The following RNF144B variants were observed in gnomAD, a reference collection of about 807,000 sequenced individuals.
The protein encoded by RNF144B is E3 ubiquitin-protein ligase RNF144B.
Under a neutral mutation model 40.2 loss-of-function variants are expected in RNF144B, and 25 were observed. The ratio of observed to expected loss-of-function variants is 0.62; its 90% CI spans 0.45 to 0.87. RNF144B has a LOEUF of 0.87. RNF144B is among the 40% of genes least tolerant of loss of function. RNF144B has a pLI of 0.00. For synonymous variants in RNF144B, 145 were observed against 136.3 expected (o/e 1.06, Z -0.44); for missense variants, 365 against 373.7 (o/e 0.98, Z 0.19).
At chr6:18,399,075 T>C (rs889936354) in intron 1 of RNF144B, among the ~76,000 whole-genome samples, 7 of 152,112 alleles carry the variant, frequency 4.6e-5, no homozygotes, top group Admixed American at 1.3e-4. Flanking sequence ...CATTTTTCTT[T>C]GTGTGTGTGT....
intron 4 of RNF144B, among the ~76,000 whole-genome samples, chr6:18,453,422 G>C (rs573922350): frequency 2.0e-5 from 3 of 152,020 alleles, no homozygotes; most frequent in African/African-American, 7.2e-5. Flanking sequence ...ACAGGCATGA[G>C]CTACTGCACC....
intron 2 of RNF144B, among the ~76,000 whole-genome samples, chr6:18,415,557 G>T (rs755790224): frequency 5.9e-5 from 9 of 152,124 alleles, no homozygotes; most frequent in African/African-American, 2.2e-4. Flanking sequence ...ATCACCTCCC[G>T]TGGGGGTTCA....
chr6:18,429,537 AG>A (rs1374027468), intron 3 of RNF144B, among the ~76,000 whole-genome samples: 1 of 152,148 alleles, frequency 6.6e-6, no homozygotes, highest in Non-Finnish European at 1.5e-5. Context: ...TCTGTTTAGA[AG>A]TGATTTAAGA....
chr6:18,430,259 G>A (rs758502598), intron 3 of RNF144B, among the ~76,000 whole-genome samples: 12 of 152,208 alleles, frequency 7.9e-5, no homozygotes, highest in South Asian at 6.2e-4. Context: ...TTACCAGACC[G>A]GACAGCACAG....
At chr6:18,415,297 A>G (rs2113482720) in intron 2 of RNF144B, among the ~76,000 whole-genome samples, 1 of 152,334 alleles carries the variant, frequency 6.6e-6, no homozygotes, top group South Asian at 2.1e-4. Flanking sequence ...ATTTATCAAC[A>G]ACAGAAATCC....
rs1326065942 is a variant in RNF144B at position 18,459,678 on chromosome 6, A to G, written c.608A>G (p.Asn203Ser). The change falls in exon 6 of 8, where the codon AAT (asparagine) becomes AGT (serine). Residue 203 changes from asparagine to serine, a missense_variant. By Grantham distance (46) the Asn-to-Ser change is conservative (BLOSUM62 1). Coordinates refer to ENST00000259939, the MANE Select transcript of RNF144B (RefSeq NM_182757.4). This position sits in a 1 kb window ranked among gnomAD's most constrained non-coding sequence, Gnocchi z 4.2. Reference protein sequence around the residue: ...CPVCRVYIERNEGCAQMMCKN... With the variant: ...CPVCRVYIERSEGCAQMMCKN... The stretch of plus-strand genomic sequence containing the variant: ...GTTTGCCGGGTTTATATCGAACGCA[A>G]TGAAGGCTGCGCTCAGATGATGTGC... The G allele has an allele frequency of 3.7e-6, 6 of 1,614,156 alleles. No homozygotes were observed. The highest frequency in any genetic ancestry group is 1.1e-5 in the South Asian group (1 of 91,074).
rs563399556 is a variant in RNF144B, at chr6:18,427,566, T to C, written c.166-15T>C. On this transcript the variant is annotated splice_polypyrimidine_tract_variant and intron_variant, in intron 2 of 7. Transcript: ENST00000259939. ...TAATGGAATGGGCAATTGTCTTTTT[T>C]TTCTTAACTTCCAGTGCCTGAAACA... is the stretch of plus-strand genomic sequence containing the variant. 92 of 1,598,670 alleles carry C rather than the reference T, an allele frequency of 5.8e-5. No individual in the cohort carries two copies. The East Asian group carries it at 1.9e-3, about 33-fold the overall frequency.
rs1759343610 is a variant in RNF144B, at chr6:18,457,009, T to C, written c.332-146T>C. 2 of 716,538 alleles carry C rather than the reference T, an allele frequency of 2.8e-6. No individual in the cohort carries two copies. The highest frequency in any genetic ancestry group is 5.0e-6 in the Non-Finnish European group (2 of 403,406). 44.4% of individuals were successfully genotyped at this position (716,538 alleles called of 1,614,324 possible). A position where few individuals can be genotyped will look rare whatever the true frequency, so the allele number is the denominator to read the frequency against. On this transcript the variant is annotated intron_variant, in intron 4 of 7. Coordinates refer to ENST00000259939, the MANE Select transcript of RNF144B (RefSeq NM_182757.4). The surrounding 1 kb of genome is among the most constrained non-coding windows in gnomAD (Gnocchi z 5.1). The stretch of plus-strand genomic sequence containing the variant: ...CCCAGGAGGGGAGGTTGCAGTGAGC[T>C]GAAATCATGCCACTGTACTCCAGCC...
chr6:18,434,844 A>G lies in RNF144B; in HGVS notation c.271-4840A>G, dbSNP rs954686206. ...CACCTTGTTAGCCAGGATGGTCTCAATCTCCTGACCTCGTGATCCACCTGC... is the reference window on the plus strand; with the variant it reads ...CACCTTGTTAGCCAGGATGGTCTCAGTCTCCTGACCTCGTGATCCACCTGC... On this transcript the variant is annotated intron_variant, in intron 3 of 7. Transcript: ENST00000259939. The surrounding 1 kb of genome is among the most constrained non-coding windows in gnomAD (Gnocchi z 4.1). Among the ~76,000 whole-genome samples the G allele has an allele frequency of 6.6e-6, 1 of 152,098 alleles. No individual in the cohort carries two copies. Among genetic ancestry groups the G allele is most frequent in the Non-Finnish European group, 1.5e-5 (1 of 68,000 alleles).
rs758702624 is a variant in RNF144B at position 18,412,059 on chromosome 6, A to T, written c.165+12360A>T. Among the ~76,000 whole-genome samples the T allele has an allele frequency of 1.7e-4, 26 of 152,174 alleles. No individual in the cohort carries two copies. The highest frequency in any genetic ancestry group is 3.5e-4 in the Non-Finnish European group (24 of 68,028). On this transcript the variant is annotated intron_variant, in intron 2 of 7. Coordinates refer to ENST00000259939, the MANE Select transcript of RNF144B (RefSeq NM_182757.4). This position sits in a 1 kb window ranked among gnomAD's most constrained non-coding sequence, Gnocchi z 4.2. ...TTGTTTCTAGTTTTTGCTATTATGA[A>T]TACATTTTTTTTACTTATATAAATG... is the stretch of plus-strand genomic sequence containing the variant.
At position 18,450,169 on chromosome 6, in the gene RNF144B, T is replaced by G. The variant is rs181712922; in HGVS notation, c.332-6986T>G. 4.1e-4 allele frequency among the ~76,000 whole-genome samples: 62 copies of G among 152,354 alleles called. 1 individual carries two copies. The East Asian group carries it at 0.012, about 29-fold the overall frequency. On this transcript the variant is annotated intron_variant, in intron 4 of 7. Transcript: ENST00000259939. This position sits in a 1 kb window ranked among gnomAD's most constrained non-coding sequence, Gnocchi z 4.7. ...TGCACTTTCCCAGACTTGTCTGTGC[T>G]GGATGCAGGTTTTATATTAATGTAT...
intron 4 of RNF144B, among the ~76,000 whole-genome samples, chr6:18,449,602 A>G (rs1013647787): frequency 1.3e-5 from 2 of 151,968 alleles, no homozygotes; most frequent in Non-Finnish European, 2.9e-5. Context: ...TTTACTAAAA[A>G]CAAAGAGCTT....
Position 18,448,036 on chromosome 6 carries a change from G to T in RNF144B, c.331+8292G>T, listed in dbSNP as rs144748247. Among the ~76,000 whole-genome samples, 2 of 152,310 alleles carry T rather than the reference G, an allele frequency of 1.3e-5. No individual in the cohort carries two copies. The highest frequency in any genetic ancestry group is 4.8e-5 in the African/African-American group (2 of 41,576). On this transcript the variant is annotated intron_variant, in intron 4 of 7. Transcript: ENST00000259939. This position sits in a 1 kb window ranked among gnomAD's most constrained non-coding sequence, Gnocchi z 4.0. ...CAGAGGTCTTTGGTGATCTTGACAA[G>T]TGGGTTTTAGTGGAATGACAGAGAA...
chr6:18,390,152 A>C (rs907824836), intron 1 of RNF144B, among the ~76,000 whole-genome samples: 5 of 152,212 alleles, frequency 3.3e-5, no homozygotes, highest in Non-Finnish European at 7.3e-5. Flanking sequence ...CCAGATTATA[A>C]AAAGTACTTC....
In RNF144B at chr6:18,446,873, G is replaced by T. The variant is rs796875857; in HGVS notation, c.331+7129G>T. On this transcript the variant is annotated intron_variant, in intron 4 of 7. Coordinates refer to ENST00000259939, the MANE Select transcript of RNF144B (RefSeq NM_182757.4). This position sits in a 1 kb window ranked among gnomAD's most constrained non-coding sequence, Gnocchi z 4.7. ...TGTGTGTGTGTGTGTGTGTGTGTGT[G>T]TCTGTGTGTGTGTTGTGTGTTTGTT... Among the ~76,000 whole-genome samples the T allele has an allele frequency of 4.0e-5, 6 of 150,260 alleles. No individual in the cohort carries two copies. Among genetic ancestry groups the T allele is most frequent in the African/African-American group, 1.5e-4 (6 of 40,752 alleles).
intron 1 of RNF144B, among the ~76,000 whole-genome samples, chr6:18,388,801 C>T (rs1794520706): frequency 7.9e-6 from 1 of 126,586 alleles, no homozygotes; most frequent in African/African-American, 2.8e-5. Context: ...ACACCTTTGA[C>T]TGGCATTTTT....
rs1369777889 is a variant in RNF144B, at chr6:18,418,087, G to A, written c.166-9494G>A. Among the ~76,000 whole-genome samples, 2 of 152,126 alleles carry A rather than the reference G, an allele frequency of 1.3e-5. No individual in the cohort carries two copies. The highest frequency in any genetic ancestry group is 2.4e-5 in the African/African-American group (1 of 41,434). ...TATAATAAAAAAGACAGAAAATAAC[G>A]AGTTTTGATGAGAATTTAAAGAAGT... On this transcript the variant is annotated intron_variant, in intron 2 of 7. Coordinates refer to ENST00000259939, the MANE Select transcript of RNF144B (RefSeq NM_182757.4). The surrounding 1 kb of genome is among the most constrained non-coding windows in gnomAD (Gnocchi z 5.2).
intron 3 of RNF144B, among the ~76,000 whole-genome samples, chr6:18,428,077 C>T (rs543048638): frequency 8.5e-5 from 13 of 152,190 alleles, no homozygotes; most frequent in Admixed American, 1.3e-4. Flanking sequence ...GGGCGGTTCC[C>T]CCATGCTGTT....
In RNF144B at chr6:18,387,350, G is replaced by T; in HGVS notation, c.-317G>T. ...TAAACGCGCTGCTACCGCTGCTGGC[G>T]AGCTGTGCCCCACGCTCCCGCTGCA... On this transcript the variant is annotated 5_prime_UTR_variant, in exon 1 of 8. Coordinates refer to ENST00000259939, the MANE Select transcript of RNF144B (RefSeq NM_182757.4). 1.7e-6 allele frequency: 2 copies of T among 1,146,530 alleles called. No homozygotes were observed. Among genetic ancestry groups the T allele is most frequent in the Non-Finnish European group, 2.2e-6 (2 of 918,288 alleles). 71.0% of individuals were successfully genotyped at this position (1,146,530 alleles called of 1,614,324 possible).
Sources: gnomAD v4.1 joint callset for allele counts (sites outside exome capture counted in the v4.1 genomes callset) on GRCh38, gnomAD v4.1.1 for gene constraint, Gnocchi (gnomAD v3.1) non-coding constraint, MANE v1.5 for transcripts, NCBI Gene and HGNC (gene_info 2026-07-23, HGNC 2026-07-21) for gene names.